The following KCND2 variants were observed in gnomAD, a reference collection of about 807,000 sequenced individuals.
The protein encoded by KCND2 is potassium voltage-gated channel subfamily D member 2.
A neutral mutation model predicts 54.4 loss-of-function variants in KCND2; 16 were observed. The observed-to-expected ratio is 0.29, with a 90% CI of 0.20 to 0.45. The LOEUF is 0.45. Ranked by LOEUF, KCND2 falls within the 20% of genes least tolerant of loss-of-function variation. The pLI is 1.00. For missense variants in KCND2, 486 were observed against 824.2 expected (o/e 0.59, Z 5.02); for synonymous variants, 317 against 310.7 (o/e 1.02, Z -0.21).
intron 1 of KCND2, among the ~76,000 whole-genome samples, chr7:120,523,660 A>G (rs185458633): frequency 7.5e-5 from 11 of 147,580 alleles, no homozygotes; most frequent in Admixed American, 2.7e-4. Flanking sequence ...CATATTATAT[A>G]TTGTCCACAT....
At chr7:120,511,167 C>G (rs1399799368) in intron 1 of KCND2, among the ~76,000 whole-genome samples, 1 of 151,932 alleles carries the variant, frequency 6.6e-6, no homozygotes, top group Non-Finnish European at 1.5e-5. Context: ...TTTTTTGAAT[C>G]TGGAGAACTC....
At chr7:120,516,723 G>A (rs894083311) in intron 1 of KCND2, among the ~76,000 whole-genome samples, 9 of 152,060 alleles carry the variant, frequency 5.9e-5, no homozygotes, top group Non-Finnish European at 8.8e-5. Context: ...GATAGAAAAC[G>A]GGAAATCTAC....
intron 1 of KCND2, among the ~76,000 whole-genome samples, chr7:120,359,094 T>C (rs942307276): frequency 1.3e-5 from 2 of 152,178 alleles, no homozygotes; most frequent in Non-Finnish European, 2.9e-5. Context: ...TTTGGATTGA[T>C]ATTAATGGTA....
At chr7:120,613,977 A>T (rs1490649970) in intron 1 of KCND2, among the ~76,000 whole-genome samples, 5 of 152,050 alleles carry the variant, frequency 3.3e-5, no homozygotes, top group Non-Finnish European at 7.4e-5. Flanking sequence ...CGATTTTTAG[A>T]TAAACAACTC....
chr7:120,274,805 C>G lies in KCND2; in HGVS notation c.173C>G (p.Thr58Ser). The G allele has an allele frequency of 6.2e-7, 1 of 1,614,074 alleles. No individual in the cohort carries two copies. The highest frequency in any genetic ancestry group is 8.5e-7 in the Non-Finnish European group (1 of 1,179,996). ...SGTRFQTWQD[T>S]LERYPDTLLG... ...ACCCGCTTCCAGACGTGGCAGGACA[C>G]CCTGGAACGTTACCCAGACACTCTA... Residue 58 changes from threonine to serine, a missense_variant, in exon 1 of 6, where the codon ACC becomes AGC. Physicochemically the swap from Thr to Ser is moderately conservative, Grantham distance 58. Coordinates refer to ENST00000331113, the MANE Select transcript of KCND2 (RefSeq NM_012281.3).
chr7:120,321,036 C>T (rs939245715), intron 1 of KCND2, among the ~76,000 whole-genome samples: 6 of 152,214 alleles, frequency 3.9e-5, no homozygotes, highest in African/African-American at 1.2e-4. Flanking sequence ...ATTCATAGTA[C>T]CTTCCCAGCA....
intron 1 of KCND2, among the ~76,000 whole-genome samples, chr7:120,276,222 A>C (rs1799171668): frequency 6.6e-6 from 1 of 152,178 alleles, no homozygotes; most frequent in Non-Finnish European, 1.5e-5. Context: ...AAGAACCATA[A>C]TTCCTATTTT....
At chr7:120,391,943 G>A (rs908006575) in intron 1 of KCND2, among the ~76,000 whole-genome samples, 1 of 151,870 alleles carries the variant, frequency 6.6e-6, no homozygotes, top group African/African-American at 2.4e-5. Context: ...TGTCAATTTT[G>A]GCTTTTGTTG....
At chr7:120,329,581 G>C (rs897745162) in intron 1 of KCND2, among the ~76,000 whole-genome samples, 5 of 152,034 alleles carry the variant, frequency 3.3e-5, no homozygotes, top group African/African-American at 1.2e-4. Flanking sequence ...GAGGAATTTT[G>C]TTCAATAAAA....
At chr7:120,543,688 T>G (rs1270451956) in intron 1 of KCND2, among the ~76,000 whole-genome samples, 1 of 152,054 alleles carries the variant, frequency 6.6e-6, no homozygotes, top group Non-Finnish European at 1.5e-5. Flanking sequence ...ATGTACAATG[T>G]GTGCTTTATT....
At chr7:120,539,337 A>G (rs972205933) in intron 1 of KCND2, among the ~76,000 whole-genome samples, 4 of 152,198 alleles carry the variant, frequency 2.6e-5, no homozygotes, top group Non-Finnish European at 5.9e-5. Flanking sequence ...TTTCAAACTC[A>G]TGGAATCAAA....
At chr7:120,360,782 C>G (rs148895013) in intron 1 of KCND2, among the ~76,000 whole-genome samples, 60 of 152,104 alleles carry the variant, frequency 3.9e-4, no homozygotes, top group African/African-American at 1.4e-3. Flanking sequence ...CACACCAAAA[C>G]TAAAACTTTA....
chr7:120,291,848 T>C (rs1192410055), intron 1 of KCND2, among the ~76,000 whole-genome samples: 1 of 151,896 alleles, frequency 6.6e-6, no homozygotes, highest in African/African-American at 2.4e-5. Context: ...CAACCATCAA[T>C]TTTTGTAGTC....
chr7:120,346,391 T>A (rs2116374893), intron 1 of KCND2, among the ~76,000 whole-genome samples: 1 of 152,314 alleles, frequency 6.6e-6, no homozygotes, highest in East Asian at 1.9e-4. Context: ...AGATAAGTCA[T>A]TGTCCTGGGA....
chr7:120,490,899 G>T (rs1802769181), intron 1 of KCND2, among the ~76,000 whole-genome samples: 1 of 152,102 alleles, frequency 6.6e-6, no homozygotes, highest in African/African-American at 2.4e-5. Context: ...CATTGCTGAA[G>T]TTATAACGAG....
intron 1 of KCND2, among the ~76,000 whole-genome samples, chr7:120,517,557 A>G (rs756178535): frequency 3.9e-5 from 6 of 152,132 alleles, no homozygotes; most frequent in Non-Finnish European, 7.4e-5. Context: ...CCTTAGAGAA[A>G]TTAATTGATC....
chr7:120,513,988 TAA>T (rs1189634915), intron 1 of KCND2, among the ~76,000 whole-genome samples: 2 of 152,114 alleles, frequency 1.3e-5, no homozygotes, highest in African/African-American at 4.8e-5. Flanking sequence ...AATGAGCACT[TAA>T]GTGTGAATTC....
chr7:120,498,725 A>C (rs2116313494), intron 1 of KCND2, among the ~76,000 whole-genome samples: 1 of 152,264 alleles, frequency 6.6e-6, no homozygotes, highest in Non-Finnish European at 1.5e-5. Flanking sequence ...CAGTAAGCCA[A>C]GATCGTGCCA....
chr7:120,483,673 C>G (rs1292396889), intron 1 of KCND2, among the ~76,000 whole-genome samples: 1 of 152,048 alleles, frequency 6.6e-6, no homozygotes, highest in Non-Finnish European at 1.5e-5. Flanking sequence ...AACAAAGAAA[C>G]AGTAGAAGAA....
Sources: gnomAD v4.1 joint callset for allele counts (sites outside exome capture counted in the v4.1 genomes callset) on GRCh38, gnomAD v4.1.1 for gene constraint, MANE v1.5 for transcripts, NCBI Gene and HGNC (gene_info 2026-07-23, HGNC 2026-07-21) for gene names.